Variants in GNL2 observed in about 807,000 individuals in gnomAD.
The protein encoded by GNL2 is G protein nucleolar 2.
A neutral mutation model predicts 92.3 loss-of-function variants in GNL2; 51 were observed. The observed-to-expected ratio is 0.55, with a 90% CI of 0.44 to 0.70. The LOEUF (loss-of-function observed/expected upper bound fraction) is 0.70, where lower values mean the gene tolerates loss of function less well. Among genes scored for constraint, GNL2 ranks in the 30% least tolerant of loss-of-function variants. GNL2 has a pLI of 0.00. For synonymous variants in GNL2, 283 were observed against 300.6 expected (o/e 0.94, Z 0.61); for missense variants, 844 against 895.6 (o/e 0.94, Z 0.74).
Position 37,594,950 on chromosome 1 carries a change from TCTA to T in GNL2, c.64+806_64+808del, listed in dbSNP as rs149966788. Among the ~76,000 whole-genome samples the T allele has an allele frequency of 4.4e-3, 672 of 152,316 alleles. 2 individuals are homozygous for T. Among genetic ancestry groups the T allele is most frequent in the Non-Finnish European group, 8.1e-3 (551 of 68,024 alleles). ...GTCTCTAACAGTAGAAACTGGCGGC[TCTA>T]CTACTACTCACTAACTGTTGCAATT... On this transcript the variant is annotated intron_variant, in intron 1 of 15. Transcript: ENST00000373062.
In GNL2 at chr1:37,590,836, C is replaced by CT; in HGVS notation, c.253_254insA (p.Arg85GlnfsTer4). On this transcript the variant is annotated frameshift_variant, in exon 4 of 16. Transcript: ENST00000373062. LOFTEE classifies it high-confidence loss of function. ...TTGTAATGATGACTGCTTAATCACA[C>CT]GTGTGTTTCCTGTTTTACAAATAAA... 1 of 1,571,264 alleles carries CT rather than the reference C, an allele frequency of 6.4e-7. No homozygotes were observed. The highest frequency in any genetic ancestry group is 8.6e-7 in the Non-Finnish European group (1 of 1,159,406).
chr1:37,573,716 C>T (rs1643631245), intron 12 of GNL2, among the ~76,000 whole-genome samples: 1 of 152,192 alleles, frequency 6.6e-6, no homozygotes, highest in Non-Finnish European at 1.5e-5. Context: ...TTAATGAGCC[C>T]TCTTTTTCCA....
At position 37,587,581 on chromosome 1, in the gene GNL2, C is replaced by T. The variant is rs184506261; in HGVS notation, c.385-86G>A. The stretch of plus-strand genomic sequence containing the variant: ...TCAACACCCACCTAGGAAAGACTTT[C>T]TGATTTTATTTTTCCAAGGTTCAAC... On this transcript the variant is annotated intron_variant, in intron 4 of 15. Transcript: ENST00000373062. 544 of 843,962 alleles carry T rather than the reference C, an allele frequency of 6.4e-4. 2 individuals carry two copies. The African/African-American group carries it at 8.3e-3, about 13-fold the overall frequency. 52.3% of individuals were successfully genotyped at this position (843,962 alleles called of 1,614,324 possible).
At chr1:37,578,985 C>A (rs958143948) in intron 8 of GNL2, among the ~76,000 whole-genome samples, 1 of 152,004 alleles carries the variant, frequency 6.6e-6, no homozygotes, top group African/African-American at 2.4e-5. Flanking sequence ...TAAGACAGAA[C>A]AAGACCCTGT....
intron 1 of GNL2, among the ~76,000 whole-genome samples, chr1:37,595,403 C>T (rs1643915403): frequency 6.6e-6 from 1 of 152,188 alleles, no homozygotes; most frequent in African/African-American, 2.4e-5. Context: ...CAAGTATGAT[C>T]ACGTGTAAAA....
chr1:37,595,493 C>T (rs1030813251), intron 1 of GNL2, among the ~76,000 whole-genome samples: 3 of 152,226 alleles, frequency 2.0e-5, no homozygotes, highest in African/African-American at 7.2e-5. Context: ...AGGCTGTCAG[C>T]CTGAGTGTTC....
intron 1 of GNL2, 60 bp from the exon 2 acceptor site, chr1:37,593,906 T>A: frequency 7.9e-7 from 1 of 1,261,570 alleles, no homozygotes; most frequent in South Asian, 1.3e-5. Context: ...AACCAACAAG[T>A]CATTGCTTAA....
chr1:37,592,943 A>C (rs1300622959), intron 2 of GNL2, 137 bp from the exon 3 acceptor site: 2 of 609,036 alleles, frequency 3.3e-6, no homozygotes, highest in African/African-American at 3.7e-5. Context: ...ATTCCAGTAA[A>C]CACAAAGTAC....
intron 8 of GNL2, among the ~76,000 whole-genome samples, chr1:37,578,148 T>G (rs557051953): frequency 6.6e-6 from 1 of 152,100 alleles, no homozygotes; most frequent in Admixed American, 6.5e-5. Flanking sequence ...AACAAAAAAT[T>G]TGGGTCCCAG....
Position 37,593,786 on chromosome 1 carries a change from T to G in GNL2, c.125A>C (p.Asn42Thr), listed in dbSNP as rs150954538. 1 of 1,614,042 alleles carries G rather than the reference T, an allele frequency of 6.2e-7. No homozygotes were observed. Among genetic ancestry groups the G allele is most frequent in the Non-Finnish European group, 8.5e-7 (1 of 1,179,922 alleles). The change falls in exon 2 of 16, where the codon AAT becomes ACT. Residue 42 changes from asparagine (N) to threonine (T), a missense_variant. By Grantham distance (65) the Asn-to-Thr change is moderately conservative (BLOSUM62 0). Coordinates refer to ENST00000373062, the MANE Select transcript of GNL2 (RefSeq NM_013285.3). ...CCTGCGCTCCTTTTGCCTATACATA[T>G]TCAGGCGCCGGATGGTGGCCCGGTC... is the stretch of plus-strand genomic sequence containing the variant. The part of the protein sequence containing the change: ...MRDRATIRRL[N>T]MYRQKERRNS...
In GNL2 at chr1:37,587,511, A is replaced by G. The variant is rs762010360; in HGVS notation, c.385-16T>C. 3 of 1,563,114 alleles carry G rather than the reference A, an allele frequency of 1.9e-6. No individual in the cohort carries two copies. Among genetic ancestry groups the G allele is most frequent in the Non-Finnish European group, 2.6e-6 (3 of 1,143,074 alleles). ...CCTTCAAGTTCTGAAGAGAAAGGAG[A>G]ATAACAGGTAAAACTAAGAAAAGCA... On this transcript the variant is annotated splice_polypyrimidine_tract_variant and intron_variant, in intron 4 of 15. Transcript: ENST00000373062.
At chr1:37,594,216 T>G (rs1643907479) in intron 1 of GNL2, 1 of 168,934 alleles carries the variant, frequency 5.9e-6, no homozygotes, top group Non-Finnish European at 1.3e-5. Flanking sequence ...GTCAGACACC[T>G]TGCCCAAGGT....
chr1:37,576,948 C>T (rs1177656255), intron 8 of GNL2, among the ~76,000 whole-genome samples: 3 of 152,046 alleles, frequency 2.0e-5, no homozygotes, highest in Admixed American at 6.5e-5. Flanking sequence ...CCTGTCTCTA[C>T]TAAAAATACA....
intron 3 of GNL2, among the ~76,000 whole-genome samples, chr1:37,591,917 G>A (rs1250066441): frequency 6.6e-6 from 1 of 152,186 alleles, no homozygotes; most frequent in Non-Finnish European, 1.5e-5. Flanking sequence ...CTTGCCCACT[G>A]GCACATAAAT....
chr1:37,595,509 C>G (rs964130774), intron 1 of GNL2, among the ~76,000 whole-genome samples: 6 of 152,234 alleles, frequency 3.9e-5, no homozygotes, highest in African/African-American at 1.4e-4. Flanking sequence ...TGTTCACTTT[C>G]CTTGACTTCA....
chr1:37,575,791 G>A lies in GNL2; in HGVS notation c.1039-92C>T. ...GATGCTCATGTATGAAGCTGGAAAG[G>A]AGGAAGGGGTGAGTCAAAGAAAAGC... On this transcript the variant is annotated intron_variant, in intron 9 of 15. Coordinates refer to ENST00000373062, the MANE Select transcript of GNL2 (RefSeq NM_013285.3). This position sits in a 1 kb window ranked among gnomAD's most constrained non-coding sequence, Gnocchi z 4.1. 1 of 774,960 alleles carries A rather than the reference G, an allele frequency of 1.3e-6. No individual in the cohort carries two copies. 48.0% of individuals were successfully genotyped at this position (774,960 alleles called of 1,614,324 possible).
chr1:37,574,136 C>T (rs572656104), intron 12 of GNL2, among the ~76,000 whole-genome samples: 4 of 152,296 alleles, frequency 2.6e-5, no homozygotes, highest in Non-Finnish European at 5.9e-5. Flanking sequence ...TGTGATCCAC[C>T]TACCTCGGCC....
chr1:37,580,804 T>C (rs1451779871), intron 8 of GNL2, among the ~76,000 whole-genome samples: 1 of 152,184 alleles, frequency 6.6e-6, no homozygotes, highest in African/African-American at 2.4e-5. Context: ...AAAGTAACAC[T>C]AGCGAAAATA....
In GNL2 at chr1:37,587,436, T is replaced by C. The variant is rs747372786; in HGVS notation, c.444A>G (p.Ser148=). The C allele has an allele frequency of 1.2e-6, 2 of 1,613,554 alleles. No homozygotes were observed. Among genetic ancestry groups the C allele is most frequent in the Admixed American group, 3.3e-5 (2 of 60,010 alleles). Residue 148 remains serine (S), a synonymous_variant, in exon 5 of 16, where the codon TCA becomes TCG. Transcript: ENST00000373062. The part of the protein sequence containing the change: ...ESFETTFGPK[S]QRKRPNLFAS... ...CAAATAAGTTTGGTCGTTTCCTCTG[T>C]GACTTAGGGCCAAATGTAGTTTCAA...
Sources: gnomAD v4.1 joint callset for allele counts (sites outside exome capture counted in the v4.1 genomes callset) on GRCh38, gnomAD v4.1.1 for gene constraint, Gnocchi (gnomAD v3.1) non-coding constraint, MANE v1.5 for transcripts, NCBI Gene and HGNC (gene_info 2026-07-23, HGNC 2026-07-21) for gene names.